The following ITSN2 variants were observed in gnomAD, a reference collection of about 807,000 sequenced individuals.
The protein encoded by ITSN2 is intersectin-2.
Under a neutral mutation model 243.7 loss-of-function variants are expected in ITSN2, and 156 were observed. That is an observed-to-expected ratio of 0.64 (90% CI 0.56 to 0.73). ITSN2 has a LOEUF of 0.73. Ranked by LOEUF, ITSN2 falls within the 30% of genes least tolerant of loss-of-function variation. The pLI, the probability that ITSN2 is intolerant of heterozygous loss-of-function variation, is 0.00. For synonymous variants in ITSN2, 703 were observed against 699.9 expected, an observed-to-expected ratio of 1.00 and a Z score of -0.07; for missense variants, 1,801 against 1,996.1, an observed-to-expected ratio of 0.90 and a Z score of 1.86.
In ITSN2 at chr2:24,209,894, T is replaced by C; in HGVS notation, c.4397A>G (p.Lys1466Arg). The part of the protein sequence containing the change: ...NDFLLLTYMV[K>R]QFAVSSGSEK... ...AGAGCCAGAGGAAACAGCAAACTGC[T>C]TGACCATGTAGGTAAGAAGCAGGAA... Residue 1466 changes from lysine to arginine, a missense_variant, in exon 35 of 40, where the codon AAG (lysine) becomes AGG (arginine). Around this residue, in one of 5 missense-constraint regions of ITSN2, gnomAD observed 928 missense variants for 1,065.4 expected, o/e 0.87. Coordinates refer to ENST00000355123, the MANE Select transcript of ITSN2 (RefSeq NM_006277.3). 1 of 1,614,224 alleles carries C rather than the reference T, an allele frequency of 6.2e-7. No homozygotes were observed. Among genetic ancestry groups the C allele is most frequent in the Non-Finnish European group, 8.5e-7 (1 of 1,180,034 alleles).
chr2:24,330,514 A>G, intron 1 of ITSN2: 1 of 716,360 alleles, frequency 1.4e-6, no homozygotes, highest in East Asian at 2.7e-5. Flanking sequence ...CCAACGCCAG[A>G]GCCCAAGCCT....
At chr2:24,300,320 T>C (rs1279188711) in intron 11 of ITSN2, 149 bp from the exon 12 acceptor site, 4 of 713,826 alleles carry the variant, frequency 5.6e-6, no homozygotes, top group Non-Finnish European at 4.3e-6. Context: ...CAAATCTAAG[T>C]GGAAAAATAT....
At chr2:24,210,560 C>T (rs1248413598) in intron 34 of ITSN2, among the ~76,000 whole-genome samples, 6 of 142,708 alleles carry the variant, frequency 4.2e-5, no homozygotes, top group East Asian at 2.0e-4. Context: ...TGCAGTGAGC[C>T]GAGATGATCT....
intron 31 of ITSN2, among the ~76,000 whole-genome samples, chr2:24,216,824 G>A (rs1363249116): frequency 2.6e-5 from 4 of 152,146 alleles, no homozygotes; most frequent in South Asian, 2.1e-4. Flanking sequence ...GGTGGCTCAC[G>A]CCTGTAATCC....
upstream of ITSN2, among the ~76,000 whole-genome samples, chr2:24,361,302 T>A (rs925282479): frequency 1.3e-5 from 2 of 152,032 alleles, no homozygotes; most frequent in Non-Finnish European, 2.9e-5. Flanking sequence ...CGGTTCCTGG[T>A]CTCCTCACAA....
At position 24,222,819 on chromosome 2, in the gene ITSN2, G is replaced by T. The variant is rs893413264; in HGVS notation, c.3578-1753C>A. ...GCCTCCTGAGTGGCTGGGATTACAG[G>T]CACACACCACCACGCCCAGCTAATT... On this transcript the variant is annotated intron_variant, in intron 29 of 39. Transcript: ENST00000355123. Among the ~76,000 whole-genome samples the T allele has an allele frequency of 9.9e-5, 15 of 151,804 alleles. No individual in the cohort carries two copies. In the South Asian group the frequency reaches 2.1e-3, roughly 21 times the overall value.
At chr2:24,291,181 G>A (rs576939045) in intron 15 of ITSN2, among the ~76,000 whole-genome samples, 1 of 151,912 alleles carries the variant, frequency 6.6e-6, no homozygotes, top group South Asian at 2.1e-4. Context: ...CCAGGCTGGA[G>A]TGCAGTGGCA....
chr2:24,330,435 G>A (rs967290340), intron 1 of ITSN2: 26 of 632,778 alleles, frequency 4.1e-5, no homozygotes, highest in Non-Finnish European at 7.8e-5. Context: ...GGATGCTAAA[G>A]GAGATAAAGC....
chr2:24,349,512 T>C (rs960297756), intron 1 of ITSN2, among the ~76,000 whole-genome samples: 1 of 152,208 alleles, frequency 6.6e-6, no homozygotes, highest in African/African-American at 2.4e-5. Context: ...CTGTAGACTT[T>C]CAGACAGTTC....
At chr2:24,231,294 G>A (rs1336256102) in intron 29 of ITSN2, among the ~76,000 whole-genome samples, 1 of 152,160 alleles carries the variant, frequency 6.6e-6, no homozygotes, top group Admixed American at 6.5e-5. Context: ...CTTATAATTT[G>A]CCACATCCCC....
chr2:24,285,983 T>C (rs889677659), intron 16 of ITSN2, among the ~76,000 whole-genome samples: 3 of 151,922 alleles, frequency 2.0e-5, no homozygotes, highest in East Asian at 1.9e-4. Flanking sequence ...AAACAGCACA[T>C]AGTCATCAAA....
At chr2:24,247,593 C>T (rs954024697) in intron 27 of ITSN2, among the ~76,000 whole-genome samples, 1 of 152,158 alleles carries the variant, frequency 6.6e-6, no homozygotes, top group Non-Finnish European at 1.5e-5. Context: ...TTCAAGTAAA[C>T]ATTAAACAAC....
chr2:24,299,351 T>TG (rs1681433888), intron 12 of ITSN2, among the ~76,000 whole-genome samples: 1 of 152,168 alleles, frequency 6.6e-6, no homozygotes, highest in Admixed American at 6.5e-5. Flanking sequence ...TTCTGGTATC[T>TG]GGGGGAAAAA....
At chr2:24,337,328 A>ATACATATATATATATATATATG (rs1686524860) in intron 1 of ITSN2, among the ~76,000 whole-genome samples, 1 of 97,686 alleles carries the variant, frequency 1.0e-5, no homozygotes, top group African/African-American at 4.2e-5. Flanking sequence ...ATATATATAT[A>ATACATATATATATATATATATG]TATATATATA....
intron 17 of ITSN2, among the ~76,000 whole-genome samples, chr2:24,284,298 C>A (rs1679192589): frequency 6.6e-6 from 1 of 152,140 alleles, no homozygotes; most frequent in African/African-American, 2.4e-5. Flanking sequence ...ATTATTGGTT[C>A]TTTAAAATTG....
rs1322717314 is a variant in ITSN2, at chr2:24,282,941, A to G, written c.1944+1822T>C. Among the ~76,000 whole-genome samples the G allele has an allele frequency of 2.0e-5, 3 of 150,502 alleles. No homozygotes were observed. In the East Asian group the frequency reaches 5.8e-4, roughly 29 times the overall value. On this transcript the variant is annotated intron_variant, in intron 17 of 39. Coordinates refer to ENST00000355123, the MANE Select transcript of ITSN2 (RefSeq NM_006277.3). Reference sequence around the variant, plus strand: ...GGACTTTGCTCCATCAATTACCACAATCTCAATCTTTCTCTCTTTCCCCCT... The same window carrying G: ...GGACTTTGCTCCATCAATTACCACAGTCTCAATCTTTCTCTCTTTCCCCCT...
chr2:24,232,853 A>G (rs530713628), intron 29 of ITSN2, among the ~76,000 whole-genome samples: 20 of 152,344 alleles, frequency 1.3e-4, no homozygotes, highest in African/African-American at 4.6e-4. Context: ...TGGAGATTCC[A>G]TGTATAAACC....
In ITSN2 at chr2:24,223,322, C is replaced by A. The variant is rs1030263138; in HGVS notation, c.3578-2256G>T. Among the ~76,000 whole-genome samples the A allele has an allele frequency of 8.5e-5, 13 of 152,140 alleles. No individual in the cohort carries two copies. In the East Asian group the frequency reaches 2.3e-3, roughly 27 times the overall value. On this transcript the variant is annotated intron_variant, in intron 29 of 39. Coordinates refer to ENST00000355123, the MANE Select transcript of ITSN2 (RefSeq NM_006277.3). ...TTCTATATTCTACAGATGTTGCCAA[C>A]AGCTTTAAAGAAATTACTCCCACAG...
chr2:24,347,400 T>C (rs1045171670), intron 1 of ITSN2, among the ~76,000 whole-genome samples: 1 of 151,264 alleles, frequency 6.6e-6, no homozygotes, highest in Non-Finnish European at 1.5e-5. Flanking sequence ...AAAATACAAA[T>C]TGTAGGCCAG....
Sources: allele counts gnomAD v4.1 joint callset (sites outside exome capture counted in the v4.1 genomes callset), GRCh38; gene constraint gnomAD v4.1.1; regional missense constraint gnomAD v4.1.1; transcripts MANE v1.5; gene names NCBI Gene and HGNC (gene_info 2026-07-23, HGNC 2026-07-21).